TLR6: variants seen among roughly 807,000 people sequenced by gnomAD.
TLR6 encodes the protein toll-like receptor 6.
A neutral mutation model predicts 16.1 loss-of-function variants in TLR6; 9 were observed. That is an observed-to-expected ratio of 0.56 (90% CI 0.34 to 0.98). The LOEUF is 0.98. TLR6 is among the 50% of genes least tolerant of loss of function. The probability of loss-of-function intolerance (pLI) is 0.02; values close to 1 mark genes in which losing one functional copy is unlikely to be tolerated. For synonymous variants in TLR6, 340 were observed against 338.6 expected (o/e 1.00, Z -0.04); for missense variants, 786 against 921.0 (o/e 0.85, Z 1.90).
rs558972614 is a variant in TLR6 at position 38,843,208 on chromosome 4, C to G, written c.-65+13553G>C. Among the ~76,000 whole-genome samples the G allele has an allele frequency of 2.6e-5, 4 of 152,322 alleles. No homozygotes were observed. In the South Asian group the frequency reaches 8.3e-4, roughly 32 times the overall value. The stretch of plus-strand genomic sequence containing the variant: ...GGCGGCAGGTGCATGAGCCCACAAA[C>G]CCCATGTTCATGACTGAGACAAAGG... On this transcript the variant is annotated intron_variant, in intron 1 of 1. Coordinates refer to ENST00000436693, the Ensembl canonical transcript of TLR6.
At chr4:38,834,947 G>T (rs1203477022) in intron 1 of TLR6, among the ~76,000 whole-genome samples, 3 of 152,128 alleles carry the variant, frequency 2.0e-5, no homozygotes, top group African/African-American at 4.8e-5. Flanking sequence ...ACACATGAAA[G>T]TATAAAACTC....
chr4:38,844,622 T>A (rs1712437870), intron 1 of TLR6, among the ~76,000 whole-genome samples: 1 of 152,216 alleles, frequency 6.6e-6, no homozygotes, highest in African/African-American at 2.4e-5. Flanking sequence ...TGTCTAAGTC[T>A]CTAGAGTTCA....
At chr4:38,841,498 G>C (rs768991593) in intron 1 of TLR6, among the ~76,000 whole-genome samples, 2 of 152,222 alleles carry the variant, frequency 1.3e-5, no homozygotes, top group African/African-American at 4.8e-5. Context: ...GGCTGAAGTG[G>C]AGGATGGCTT....
chr4:38,843,909 A>G (rs2109455027), intron 1 of TLR6: 1 of 152,344 alleles, frequency 6.6e-6, no homozygotes, highest in South Asian at 2.1e-4. Flanking sequence ...GTCTCAGGAA[A>G]ATAGACTCCC....
the TLR6 span, among the ~76,000 whole-genome samples, chr4:38,863,789 A>G: frequency 6.6e-6 from 1 of 152,190 alleles, no homozygotes; most frequent in South Asian, 2.1e-4. Context: ...CCTAACAGGT[A>G]TGCCAGCCTC....
At chr4:38,829,900 C>A (rs1727745568) in intron 1 of TLR6, among the ~76,000 whole-genome samples, 1 of 152,182 alleles carries the variant, frequency 6.6e-6, no homozygotes, top group Non-Finnish European at 1.5e-5. Flanking sequence ...GCTGCAGCCA[C>A]CTGAGCAAGG....
intron 1 of TLR6, among the ~76,000 whole-genome samples, chr4:38,831,293 CAA>C (rs59585432): frequency 6.4e-5 from 9 of 140,466 alleles, no homozygotes; most frequent in East Asian, 2.0e-4. Context: ...CCTCCACATG[CAA>C]AAAAAAAAAA....
Position 38,831,504 on chromosome 4 carries a change from T to G in TLR6, c.-64-1967A>C, listed in dbSNP as rs144709181. Among the ~76,000 whole-genome samples, 654 of 152,238 alleles carry G rather than the reference T, an allele frequency of 4.3e-3. 6 individuals are homozygous for G. The highest frequency in any genetic ancestry group is 0.015 in the African/African-American group (605 of 41,524). ...AAACATAATCCAAGAAAGAAAACAC[T>G]GTTAAGTTGGACTTCATTAAAATTA... On this transcript the variant is annotated intron_variant, in intron 1 of 1. Transcript: ENST00000436693.
the TLR6 span, among the ~76,000 whole-genome samples, chr4:38,865,371 G>C: frequency 6.6e-6 from 1 of 152,170 alleles, no homozygotes; most frequent in Non-Finnish European, 1.5e-5. Context: ...GAGTAAAAGG[G>C]ACAAATTTGC....
At chr4:38,828,418 T>C (rs758649276) in exon 2 of TLR6, 1 of 1,613,708 alleles carries the variant, frequency 6.2e-7, no homozygotes, top group African/African-American at 1.3e-5. Context: ...TGAATGTGCT[T>C]GGTGCATGAG....
intron 1 of TLR6, among the ~76,000 whole-genome samples, chr4:38,831,773 T>C (rs1711597092): frequency 6.6e-6 from 1 of 152,224 alleles, no homozygotes. Flanking sequence ...TTTGACATCA[T>C]ATTTCATCAT....
At chr4:38,866,193 T>C in the TLR6 span, among the ~76,000 whole-genome samples, 1 of 145,124 alleles carries the variant, frequency 6.9e-6, no homozygotes, top group East Asian at 2.0e-4. Context: ...TTAATAAAAA[T>C]ATTAAATAAG....
At chr4:38,844,543 T>C (rs983050620) in intron 1 of TLR6, among the ~76,000 whole-genome samples, 1 of 142,694 alleles carries the variant, frequency 7.0e-6, no homozygotes, top group Non-Finnish European at 1.6e-5. Context: ...TATATGGAAA[T>C]TTGAATGAGA....
At chr4:38,833,992 T>C (rs11489107) in intron 1 of TLR6, among the ~76,000 whole-genome samples, 84,965 of 151,300 alleles carry the variant, frequency 0.56, 24,452 homozygotes, top group East Asian at 0.73. Context: ...TTTGGGAGGC[T>C]GAGGTGGGTG....
chr4:38,826,672 T>A (rs1273109986), exon 2 of TLR6: 1 of 156,896 alleles, frequency 6.4e-6, no homozygotes, highest in Non-Finnish European at 1.4e-5. Flanking sequence ...TTGAAGAGAA[T>A]GATGACACTG....
At chr4:38,826,876 G>T in exon 2 of TLR6, 1 of 464,068 alleles carries the variant, frequency 2.2e-6, no homozygotes, top group Non-Finnish European at 3.8e-6. Context: ...GAAACATAAT[G>T]ATTAAACCAG....
exon 2 of TLR6, chr4:38,828,615 T>C: frequency 6.2e-7 from 1 of 1,613,940 alleles, no homozygotes; most frequent in Non-Finnish European, 8.5e-7. Context: ...TCAATTATTG[T>C]TAAATTGTAA....
chr4:38,831,471 C>T lies in TLR6; in HGVS notation c.-64-1934G>A, dbSNP rs56081170. ...GGATTTGGTGATGACTTTTGAGATA[C>T]GCATCAAAAACATAATCCAAGAAAG... On this transcript the variant is annotated intron_variant, in intron 1 of 1. Coordinates refer to ENST00000436693, the Ensembl canonical transcript of TLR6. Among the ~76,000 whole-genome samples the T allele has an allele frequency of 6.7e-4, 102 of 152,176 alleles. 3 individuals are homozygous for T. In the South Asian group the frequency reaches 0.013, roughly 20 times the overall value.
chr4:38,857,646 C>A (rs1297235971), upstream of TLR6, among the ~76,000 whole-genome samples: 1 of 146,544 alleles, frequency 6.8e-6, no homozygotes, highest in Non-Finnish European at 1.5e-5. Flanking sequence ...GGCACAATCT[C>A]ATCTTTATTA....
Sources: allele counts gnomAD v4.1 joint callset (sites outside exome capture counted in the v4.1 genomes callset), GRCh38; gene constraint gnomAD v4.1.1; transcripts MANE v1.5; gene names NCBI Gene and HGNC (gene_info 2026-07-23, HGNC 2026-07-21).